KIAA0232: variants seen among roughly 807,000 people sequenced by gnomAD.
KIAA0232 encodes uncharacterized protein KIAA0232.
KIAA0232 carries 27 observed loss-of-function variants against 122.0 expected under a neutral mutation model. That is an observed-to-expected ratio of 0.22 (90% CI 0.16 to 0.31). KIAA0232 has a LOEUF of 0.31. KIAA0232 is among the 10% of genes least tolerant of loss of function. The pLI is 1.00. For synonymous variants in KIAA0232, 613 were observed against 587.6 expected (o/e 1.04, Z -0.63); for missense variants, 1,551 against 1,634.2 (o/e 0.95, Z 0.88).
Position 6,882,212 on chromosome 4 carries a change from A to G in KIAA0232, c.*1246A>G, listed in dbSNP as rs1722112801. 6.6e-6 allele frequency: 1 copy of G among 152,238 alleles called. No homozygotes were observed. The highest frequency in any genetic ancestry group is 2.4e-5 in the African/African-American group (1 of 41,464). 9.4% of individuals were successfully genotyped at this position (152,238 alleles called of 1,614,324 possible). On this transcript the variant is annotated 3_prime_UTR_variant, in exon 10 of 10. Transcript: ENST00000307659. ...AGTATGTGCACAGCCGAAACATTTT[A>G]CATTTTTTACATTGTTTTTCTTTTT...
intron 3 of KIAA0232, 117 bp downstream of exon 3, chr4:6,824,801 T>A (rs1370464992): frequency 1.3e-5 from 11 of 846,366 alleles, no homozygotes; most frequent in Non-Finnish European, 2.1e-5. Flanking sequence ...GTGCAAACAT[T>A]TAACCTGTCA....
chr4:6,796,293 G>C (rs1717133360), intron 1 of KIAA0232, among the ~76,000 whole-genome samples: 1 of 151,890 alleles, frequency 6.6e-6, no homozygotes, highest in African/African-American at 2.4e-5. Context: ...CCAGGTTGGA[G>C]TGCAGTGGCA....
In KIAA0232 at chr4:6,802,686, C is replaced by T. The variant is rs189544710; in HGVS notation, c.-353-1837C>T. Among the ~76,000 whole-genome samples, 146 of 151,960 alleles carry T rather than the reference C, an allele frequency of 9.6e-4. 1 individual carries two copies. Among genetic ancestry groups the T allele is most frequent in the African/African-American group, 3.4e-3 (141 of 41,426 alleles). On this transcript the variant is annotated intron_variant, in intron 1 of 9. Coordinates refer to ENST00000307659, the MANE Select transcript of KIAA0232 (RefSeq NM_014743.3). ...TTCATCTTCACGTCTTCCCCAAGGA[C>T]ATAAAGACAGAAAGGGGATTTTGCT...
intron 3 of KIAA0232, among the ~76,000 whole-genome samples, chr4:6,837,695 C>T (rs1053523444): frequency 2.0e-5 from 3 of 152,248 alleles, no homozygotes; most frequent in Admixed American, 1.3e-4. Context: ...GCAGATCACT[C>T]GCGGTCAGAA....
chr4:6,807,385 G>A (rs1424844296), intron 2 of KIAA0232, among the ~76,000 whole-genome samples: 2 of 152,128 alleles, frequency 1.3e-5, no homozygotes, highest in Non-Finnish European at 2.9e-5. Flanking sequence ...ATACTTACGT[G>A]TTTATTTCTG....
chr4:6,803,810 TTTTC>T (rs1240491912), intron 1 of KIAA0232, among the ~76,000 whole-genome samples: 49 of 152,346 alleles, frequency 3.2e-4, no homozygotes, highest in African/African-American at 1.0e-3. Flanking sequence ...TTCCTACCTA[TTTTC>T]TTCCTTTACA....
At chr4:6,847,547 A>G (rs1203554669) in intron 4 of KIAA0232, among the ~76,000 whole-genome samples, 1 of 152,238 alleles carries the variant, frequency 6.6e-6, no homozygotes, top group East Asian at 1.9e-4. Flanking sequence ...CCAGGGAATC[A>G]TGACCTTTGA....
At chr4:6,800,687 A>G (rs2108920611) in intron 1 of KIAA0232, among the ~76,000 whole-genome samples, 1 of 152,204 alleles carries the variant, frequency 6.6e-6, no homozygotes, top group South Asian at 2.1e-4. Flanking sequence ...TCTCAAAAAA[A>G]AAAAAGAAAA....
chr4:6,845,020 T>C (rs960670225), intron 4 of KIAA0232, among the ~76,000 whole-genome samples: 1 of 152,248 alleles, frequency 6.6e-6, no homozygotes, highest in Non-Finnish European at 1.5e-5. Flanking sequence ...CATTTCCTTC[T>C]GTACCTGAGT....
In KIAA0232 at chr4:6,810,675, A is replaced by G. The variant is rs530045710; in HGVS notation, c.-270+6069A>G. The stretch of plus-strand genomic sequence containing the variant: ...GAATGAGAGAAAATGTTTGCAAACT[A>G]TTTATCTGATAGGGAACTGATATCC... On this transcript the variant is annotated intron_variant, in intron 2 of 9. Transcript: ENST00000307659. 5.7e-4 allele frequency among the ~76,000 whole-genome samples: 87 copies of G among 152,330 alleles called. No homozygotes were observed. The Middle Eastern group carries it at 0.01, about 18-fold the overall frequency.
chr4:6,788,752 G>T (rs1265259404), intron 1 of KIAA0232, among the ~76,000 whole-genome samples: 2 of 152,186 alleles, frequency 1.3e-5, no homozygotes, highest in African/African-American at 4.8e-5. Context: ...GAATAACTTT[G>T]TATGAGAACT....
At chr4:6,811,708 G>A (rs1056285289) in intron 2 of KIAA0232, among the ~76,000 whole-genome samples, 48 of 149,164 alleles carry the variant, frequency 3.2e-4, no homozygotes, top group Non-Finnish European at 5.9e-4. Flanking sequence ...GCCACCCAAA[G>A]TGCCGGGATT....
chr4:6,815,030 G>A (rs1186250363), intron 2 of KIAA0232, among the ~76,000 whole-genome samples: 1 of 149,066 alleles, frequency 6.7e-6, no homozygotes, highest in Non-Finnish European at 1.5e-5. Flanking sequence ...AGCCTCTGAA[G>A]AGGGAAGGGA....
intron 2 of KIAA0232, among the ~76,000 whole-genome samples, chr4:6,815,552 C>T (rs1230884060): frequency 6.6e-6 from 1 of 152,136 alleles, no homozygotes; most frequent in African/African-American, 2.4e-5. Flanking sequence ...TTAGATCTGT[C>T]ATTATGGTAC....
intron 2 of KIAA0232, among the ~76,000 whole-genome samples, chr4:6,806,155 C>T (rs1326908182): frequency 2.0e-5 from 3 of 152,044 alleles, no homozygotes; most frequent in Admixed American, 1.3e-4. Context: ...TTTTAAATCT[C>T]CATAACTTTT....
intron 1 of KIAA0232, among the ~76,000 whole-genome samples, chr4:6,796,981 C>T (rs776351472): frequency 1.3e-5 from 2 of 152,242 alleles, no homozygotes; most frequent in South Asian, 2.1e-4. Flanking sequence ...TTACTGACAA[C>T]AGTCAGTTGG....
intron 4 of KIAA0232, among the ~76,000 whole-genome samples, chr4:6,850,296 A>G (rs933430755): frequency 1.3e-5 from 2 of 152,168 alleles, no homozygotes; most frequent in African/African-American, 4.8e-5. Flanking sequence ...CTGGAGACCC[A>G]TGTACGCTTT....
chr4:6,878,232 G>A (rs1308165528), intron 9 of KIAA0232, among the ~76,000 whole-genome samples: 3 of 152,030 alleles, frequency 2.0e-5, no homozygotes, highest in East Asian at 1.9e-4. Context: ...AAAATTAGCC[G>A]GGCGTGATGG....
chr4:6,871,677 G>A lies in KIAA0232; in HGVS notation c.3905G>A (p.Cys1302Tyr), dbSNP rs1010178724. 1.3e-6 allele frequency: 2 copies of A among 1,582,076 alleles called. No individual in the cohort carries two copies. Among genetic ancestry groups the A allele is most frequent in the Non-Finnish European group, 8.7e-7 (1 of 1,152,744 alleles). The change falls in exon 8 of 10, where the codon TGT becomes TAT. Residue 1302 changes from cysteine to tyrosine, a missense_variant. Around this residue, in one of 5 missense-constraint regions of KIAA0232, gnomAD observed 1,108 missense variants for 1,154.8 expected, o/e 0.96. Coordinates refer to ENST00000307659, the MANE Select transcript of KIAA0232 (RefSeq NM_014743.3). ...LYSPLFPASE[C>Y]EECYTNAKGE... is the part of the protein sequence containing the mutation. Reference sequence around the variant, plus strand: ...TCTCCTCTTTTTCCTGCATCAGAGTGTGAAGGTAAGGAGACCTTTGTTAGT... The same window carrying A: ...TCTCCTCTTTTTCCTGCATCAGAGTATGAAGGTAAGGAGACCTTTGTTAGT...
Sources: allele counts gnomAD v4.1 joint callset (sites outside exome capture counted in the v4.1 genomes callset), GRCh38; gene constraint gnomAD v4.1.1; regional missense constraint gnomAD v4.1.1; transcripts MANE v1.5; gene names NCBI Gene and HGNC (gene_info 2026-07-23, HGNC 2026-07-21).